CBLB: variants seen among roughly 807,000 people sequenced by gnomAD.
CBLB encodes the protein E3 ubiquitin-protein ligase CBL-B.
In CBLB, 31 loss-of-function variants were observed where a neutral mutation model predicts 104.9. The ratio of observed to expected loss-of-function variants is 0.30; its 90% CI spans 0.22 to 0.40. The LOEUF is 0.40. CBLB is among the 10% of genes least tolerant of loss of function. The pLI is 1.00. For synonymous variants in CBLB, 440 were observed against 422.6 expected, an observed-to-expected ratio of 1.04 and a Z score of -0.51; for missense variants, 1,062 against 1,214.6, an observed-to-expected ratio of 0.87 and a Z score of 1.87.
chr3:105,847,236 C>A (rs1271978545), intron 3 of CBLB, among the ~76,000 whole-genome samples: 1 of 152,010 alleles, frequency 6.6e-6, no homozygotes, highest in Non-Finnish European at 1.5e-5. Context: ...ATTAATGGAG[C>A]AGATTACAAA....
At chr3:105,800,375 A>C (rs1426273674) in intron 3 of CBLB, among the ~76,000 whole-genome samples, 1 of 152,178 alleles carries the variant, frequency 6.6e-6, no homozygotes, top group East Asian at 1.9e-4. Context: ...ACACACAACG[A>C]ATCCCAAGGT....
At chr3:105,794,938 A>G (rs1257184516) in intron 3 of CBLB, among the ~76,000 whole-genome samples, 4 of 146,664 alleles carry the variant, frequency 2.7e-5, no homozygotes, top group Non-Finnish European at 4.5e-5. Flanking sequence ...TTTTTTTGAG[A>G]TGGAGTCTCA....
chr3:105,836,540 T>A (rs1299353493), intron 3 of CBLB, among the ~76,000 whole-genome samples: 2 of 152,110 alleles, frequency 1.3e-5, no homozygotes, highest in Non-Finnish European at 2.9e-5. Flanking sequence ...GGTTTTGACC[T>A]CCAGAGTTAT....
intron 4 of CBLB, among the ~76,000 whole-genome samples, chr3:105,769,813 T>C (rs1005130004): frequency 3.3e-5 from 5 of 152,230 alleles, no homozygotes; most frequent in African/African-American, 1.2e-4. Context: ...ATGCAAACAC[T>C]TCAAGCGAAA....
At chr3:105,772,300 G>A (rs775396657) in intron 4 of CBLB, among the ~76,000 whole-genome samples, 4 of 152,118 alleles carry the variant, frequency 2.6e-5, no homozygotes, top group Non-Finnish European at 5.9e-5. Context: ...AAACTGTGCT[G>A]GAAAAACTGG....
intron 9 of CBLB, among the ~76,000 whole-genome samples, chr3:105,720,479 A>G (rs528324474): frequency 6.6e-6 from 1 of 152,280 alleles, no homozygotes; most frequent in South Asian, 2.1e-4. Flanking sequence ...AAGTTTTAAG[A>G]AAGTTTGATT....
At chr3:105,846,060 C>T (rs1383074214) in intron 3 of CBLB, among the ~76,000 whole-genome samples, 3 of 151,928 alleles carry the variant, frequency 2.0e-5, no homozygotes. Context: ...TTTCATTCCT[C>T]TAGTTTCCCA....
chr3:105,827,722 C>T (rs1005527006), intron 3 of CBLB, among the ~76,000 whole-genome samples: 4 of 152,128 alleles, frequency 2.6e-5, no homozygotes, highest in Admixed American at 6.5e-5. Flanking sequence ...ACTCTGTTTA[C>T]GCCTCAAATG....
At chr3:105,839,355 A>C (rs2089182017) in intron 3 of CBLB, 1 of 152,250 alleles carries the variant, frequency 6.6e-6, no homozygotes, top group Non-Finnish European at 1.5e-5. Context: ...TATATACATC[A>C]GAATATTGAG....
At chr3:105,677,072 C>G (rs1309795768) in intron 17 of CBLB, among the ~76,000 whole-genome samples, 2 of 152,070 alleles carry the variant, frequency 1.3e-5, no homozygotes, top group African/African-American at 4.8e-5. Flanking sequence ...AAAACGGACT[C>G]ATACACTATA....
intron 3 of CBLB, among the ~76,000 whole-genome samples, chr3:105,847,399 C>CACACAA (rs1370358247): frequency 1.8e-4 from 26 of 148,028 alleles, no homozygotes; most frequent in Middle Eastern, 6.8e-3. Context: ...CCACCACACA[C>CACACAA]ACACACACAC....
intron 3 of CBLB, among the ~76,000 whole-genome samples, chr3:105,811,192 T>C (rs1441467741): frequency 1.3e-5 from 2 of 152,174 alleles, no homozygotes; most frequent in Non-Finnish European, 2.9e-5. Context: ...ATTTTTGACA[T>C]AGATCCAAGT....
intron 1 of CBLB, chr3:105,868,415 G>A (rs1706489464): frequency 1.5e-5 from 6 of 399,738 alleles, no homozygotes; most frequent in African/African-American, 6.2e-5. Flanking sequence ...GGTGGACTGG[G>A]AGGGGACAAA....
At chr3:105,851,486 G>A (rs1043478596) in intron 3 of CBLB, among the ~76,000 whole-genome samples, 1 of 152,160 alleles carries the variant, frequency 6.6e-6, no homozygotes, top group South Asian at 2.1e-4. Context: ...ATGGAGCATA[G>A]AACAGCACAA....
intron 10 of CBLB, among the ~76,000 whole-genome samples, chr3:105,713,471 G>T (rs891048631): frequency 1.1e-4 from 17 of 151,910 alleles, no homozygotes; most frequent in Admixed American, 1.1e-3. Flanking sequence ...GAAGAATAAA[G>T]CATAGCCTGT....
chr3:105,730,621 G>A (rs565895795), intron 9 of CBLB, among the ~76,000 whole-genome samples: 1 of 152,104 alleles, frequency 6.6e-6, no homozygotes, highest in South Asian at 2.1e-4. Flanking sequence ...ACATAATGAG[G>A]TAAGAGCTTA....
chr3:105,670,909 C>A (rs1399743101), intron 17 of CBLB: 7 of 161,778 alleles, frequency 4.3e-5, no homozygotes, highest in Admixed American at 6.4e-5. Context: ...ATTGGGCATC[C>A]TATGCTTAAC....
intron 3 of CBLB, among the ~76,000 whole-genome samples, chr3:105,849,538 CTT>C (rs1161823881): frequency 2.6e-5 from 4 of 152,202 alleles, no homozygotes; most frequent in Admixed American, 2.6e-4. Flanking sequence ...TCAAACAAAA[CTT>C]AAATGTCTCC....
Position 105,853,640 on chromosome 3 carries a change from G to T in CBLB, c.193C>A (p.Leu65Ile). 2 of 1,607,004 alleles carry T rather than the reference G, an allele frequency of 1.2e-6. No homozygotes were observed. The highest frequency in any genetic ancestry group is 1.7e-6 in the Non-Finnish European group (2 of 1,175,472). Residue 65 changes from leucine to isoleucine, a missense_variant, in exon 3 of 19, where the codon CTT (leucine) becomes ATT (isoleucine). Physicochemically the swap from Leu to Ile is conservative, Grantham distance 5. This residue lies in a region of CBLB where 457 missense variants were observed against 632.0 expected (regional missense o/e 0.72). Transcript: ENST00000394030. ...KVVRLCQNPKLQLKNSPPYIL... is the reference protein window; with the variant it reads ...KVVRLCQNPKIQLKNSPPYIL... ...TATGGTGGGCTATTTTTCAACTGAA[G>T]TTTGGGATTTTGGCACAGTCTTACC...
Sources: gnomAD v4.1 joint callset for allele counts (sites outside exome capture counted in the v4.1 genomes callset) on GRCh38, gnomAD v4.1.1 for gene constraint, gnomAD v4.1.1 regional missense constraint, MANE v1.5 for transcripts, NCBI Gene and HGNC (gene_info 2026-07-23, HGNC 2026-07-21) for gene names.